Variants in PLEKHA7 observed in about 807,000 individuals in gnomAD.
PLEKHA7 encodes the protein pleckstrin homology domain-containing family A member 7.
In PLEKHA7, 104 loss-of-function variants were observed where a neutral mutation model predicts 170.0. The observed-to-expected ratio is 0.61, with a 90% CI of 0.52 to 0.72. The LOEUF (loss-of-function observed/expected upper bound fraction) is 0.72. PLEKHA7 is among the 30% of genes least tolerant of loss of function. The pLI, the probability that PLEKHA7 is intolerant of heterozygous loss-of-function variation, is 0.00. For synonymous variants in PLEKHA7, 648 were observed against 660.8 expected (o/e 0.98, Z 0.30); for missense variants, 1,615 against 1,671.7 (o/e 0.97, Z 0.59).
intron 10 of PLEKHA7, among the ~76,000 whole-genome samples, chr11:16,822,556 T>C (rs914683164): frequency 1.4e-5 from 2 of 144,346 alleles, no homozygotes; most frequent in South Asian, 2.2e-4. Flanking sequence ...CAGGTGGAAG[T>C]CCTTACCTGC....
rs11447088 is a variant in PLEKHA7, at chr11:16,965,004, TA to T, written c.221+48984del. 9.6e-3 allele frequency among the ~76,000 whole-genome samples: 1,423 copies of T among 148,144 alleles called. 16 individuals are homozygous for T. Among genetic ancestry groups the T allele is most frequent in the African/African-American group, 0.029 (1,156 of 40,220 alleles). On this transcript the variant is annotated intron_variant, in intron 3 of 26. Transcript: ENST00000531066. ...ATTTATTAATGGGATATACATGATT[TA>T]AAAAAAAAAAAAAAAGGTTTGGGCC...
intron 8 of PLEKHA7, 71 bp from the exon 9 acceptor site, chr11:16,841,793 G>A: frequency 1.3e-6 from 2 of 1,490,498 alleles, no homozygotes; most frequent in Non-Finnish European, 1.8e-6. Context: ...GCAAAAGCAA[G>A]GAGGCACTAT....
At chr11:16,782,137 A>G (rs1444050371) in intron 26 of PLEKHA7, among the ~76,000 whole-genome samples, 3 of 150,010 alleles carry the variant, frequency 2.0e-5, no homozygotes, top group Non-Finnish European at 3.0e-5. Flanking sequence ...ACACACACAC[A>G]TAGACACACA....
intron 3 of PLEKHA7, among the ~76,000 whole-genome samples, chr11:16,960,701 T>C (rs1461518938): frequency 6.6e-6 from 1 of 152,048 alleles, no homozygotes; most frequent in African/African-American, 2.4e-5. Flanking sequence ...GGGTCCCTGC[T>C]CAGCCACAGG....
chr11:16,819,388 G>A (rs190733178), intron 10 of PLEKHA7, among the ~76,000 whole-genome samples: 2 of 152,232 alleles, frequency 1.3e-5, no homozygotes, highest in Non-Finnish European at 2.9e-5. Context: ...ATGAGCCACC[G>A]CACCCAGCCT....
intron 3 of PLEKHA7, among the ~76,000 whole-genome samples, chr11:16,991,644 A>G (rs1418925249): frequency 6.6e-6 from 1 of 152,140 alleles, no homozygotes; most frequent in Non-Finnish European, 1.5e-5. Context: ...GATGGGAGGA[A>G]ATGAGGCCAG....
rs763695181 is a variant in PLEKHA7 at position 16,826,612 on chromosome 11, C to G, written c.873-22G>C. ...ATCCCTGCAATGACAGCAGCACATT[C>G]AGTTTGCTCCACAGCCAAGACTCCA... On this transcript the variant is annotated intron_variant, in intron 9 of 26. Coordinates refer to ENST00000531066, the MANE Select transcript of PLEKHA7 (RefSeq NM_001329630.2). 2.5e-6 allele frequency: 4 copies of G among 1,589,774 alleles called. No individual in the cohort carries two copies. In the South Asian group the frequency reaches 4.5e-5, roughly 18 times the overall value.
chr11:16,786,749 C>T, intron 23 of PLEKHA7: 1 of 985,428 alleles, frequency 1.0e-6, no homozygotes, highest in Non-Finnish European at 1.2e-6. Flanking sequence ...CTCTCTACAG[C>T]TGGTTCAGGA....
intron 3 of PLEKHA7, among the ~76,000 whole-genome samples, chr11:16,935,234 A>G (rs890486647): frequency 1.3e-5 from 2 of 152,256 alleles, no homozygotes; most frequent in Non-Finnish European, 2.9e-5. Context: ...CAGAAGTTCA[A>G]GCCCAGCCTA....
intron 9 of PLEKHA7, among the ~76,000 whole-genome samples, chr11:16,839,349 AT>A (rs1468566731): frequency 6.6e-6 from 1 of 151,546 alleles, no homozygotes; most frequent in African/African-American, 2.4e-5. Context: ...TGGGAAGGTG[AT>A]TTGGGATATC....
chr11:16,889,544 G>A (rs1856480996), intron 3 of PLEKHA7, among the ~76,000 whole-genome samples: 1 of 150,708 alleles, frequency 6.6e-6, no homozygotes, highest in African/African-American at 2.4e-5. Flanking sequence ...TGAAGCTGCT[G>A]TGAGCTGTGA....
At chr11:16,871,257 A>G (rs567793305) in intron 3 of PLEKHA7, 75 bp from the exon 4 acceptor site, 27 of 1,149,214 alleles carry the variant, frequency 2.3e-5, no homozygotes, top group African/African-American at 2.1e-4. Flanking sequence ...TCAGTCAGCA[A>G]TGTCTGGTGA....
Position 16,873,584 on chromosome 11 carries a change from C to A in PLEKHA7, c.222-2402G>T, listed in dbSNP as rs151015316. On this transcript the variant is annotated intron_variant, in intron 3 of 26. Coordinates refer to ENST00000531066, the MANE Select transcript of PLEKHA7 (RefSeq NM_001329630.2). ...TAAGTCTGAGCATCTAAGATAAGGA[C>A]AAGAAGCAGAAGCAGGCATTCTTAA... is the stretch of plus-strand genomic sequence containing the variant. Among the ~76,000 whole-genome samples the A allele has an allele frequency of 5.9e-3, 902 of 152,336 alleles. 1 individual carries two copies. Among genetic ancestry groups the A allele is most frequent in the Non-Finnish European group, 9.9e-3 (672 of 68,036 alleles).
chr11:16,957,536 G>A (rs1861770143), intron 3 of PLEKHA7, among the ~76,000 whole-genome samples: 1 of 152,124 alleles, frequency 6.6e-6, no homozygotes, highest in Non-Finnish European at 1.5e-5. Context: ...GGAAAAACTG[G>A]CTTAGCAGAT....
chr11:16,991,888 T>C (rs895210683), intron 3 of PLEKHA7, among the ~76,000 whole-genome samples: 1 of 152,074 alleles, frequency 6.6e-6, no homozygotes, highest in Non-Finnish European at 1.5e-5. Context: ...CAGATGACAG[T>C]GGCGTGGACT....
chr11:16,848,077 G>T (rs561244954), intron 8 of PLEKHA7, among the ~76,000 whole-genome samples: 4 of 152,242 alleles, frequency 2.6e-5, no homozygotes, highest in African/African-American at 9.6e-5. Context: ...GGATGGTGGT[G>T]GCCAAGACAG....
intron 3 of PLEKHA7, among the ~76,000 whole-genome samples, chr11:16,913,018 T>G (rs1299288112): frequency 6.6e-6 from 1 of 152,160 alleles, no homozygotes; most frequent in African/African-American, 2.4e-5. Context: ...GGACCCACGC[T>G]AAGAAAGGTG....
chr11:16,861,743 A>C (rs568813602), intron 4 of PLEKHA7, among the ~76,000 whole-genome samples: 49 of 152,268 alleles, frequency 3.2e-4, no homozygotes, highest in African/African-American at 1.1e-3. Flanking sequence ...ATTAAATGAC[A>C]CCTTTATCCC....
intron 3 of PLEKHA7, among the ~76,000 whole-genome samples, chr11:16,928,352 C>T (rs1295135668): frequency 6.6e-6 from 1 of 151,544 alleles, no homozygotes; most frequent in East Asian, 1.9e-4. Flanking sequence ...ACCTTACAGG[C>T]AAGCTGGAAC....
Sources: allele counts gnomAD v4.1 joint callset (sites outside exome capture counted in the v4.1 genomes callset), GRCh38; gene constraint gnomAD v4.1.1; transcripts MANE v1.5; gene names NCBI Gene and HGNC (gene_info 2026-07-23, HGNC 2026-07-21).